ABCC4: variants seen among roughly 807,000 people sequenced by gnomAD.
ABCC4 encodes ATP binding cassette subfamily C member 4 (PEL blood group).
A neutral mutation model predicts 168.5 loss-of-function variants in ABCC4; 102 were observed. That is an observed-to-expected ratio of 0.61 (90% confidence interval 0.52 to 0.71). The LOEUF (loss-of-function observed/expected upper bound fraction) is 0.71. ABCC4 is among the 30% of genes least tolerant of loss of function. ABCC4 has a pLI of 0.00. For missense variants in ABCC4, 1,402 were observed against 1,605.8 expected (o/e 0.87, Z 2.17); for synonymous variants, 617 against 590.7 (o/e 1.04, Z -0.65).
intron 1 of ABCC4, among the ~76,000 whole-genome samples, chr13:95,248,533 A>C (rs1187008113): frequency 6.6e-6 from 1 of 152,012 alleles, no homozygotes; most frequent in African/African-American, 2.4e-5. Context: ...CAAAATGGTC[A>C]TCCATTAGGA....
chr13:95,272,703 C>T (rs2040874968), intron 1 of ABCC4, among the ~76,000 whole-genome samples: 1 of 152,010 alleles, frequency 6.6e-6, no homozygotes, highest in Non-Finnish European at 1.5e-5. Flanking sequence ...GCCTGGCCAA[C>T]ATGGTGAAAC....
At chr13:95,251,351 C>G (rs537154213) in intron 1 of ABCC4, among the ~76,000 whole-genome samples, 2 of 152,248 alleles carry the variant, frequency 1.3e-5, no homozygotes, top group South Asian at 4.2e-4. Context: ...TCTTTCCTGA[C>G]CTTTCTGTAA....
chr13:95,155,500 G>T (rs1262614114), intron 19 of ABCC4, among the ~76,000 whole-genome samples: 1 of 152,052 alleles, frequency 6.6e-6, no homozygotes, highest in Non-Finnish European at 1.5e-5. Flanking sequence ...AACATGGGAA[G>T]AAGTCAATAT....
At chr13:95,174,778 C>T (rs991718883) in intron 13 of ABCC4, among the ~76,000 whole-genome samples, 4 of 152,068 alleles carry the variant, frequency 2.6e-5, no homozygotes, top group Non-Finnish European at 4.4e-5. Flanking sequence ...CCCTTCTCGG[C>T]GAAATGGAAA....
chr13:95,283,594 T>C (rs1306990269), intron 1 of ABCC4, among the ~76,000 whole-genome samples: 1 of 152,024 alleles, frequency 6.6e-6, no homozygotes, highest in Non-Finnish European at 1.5e-5. Flanking sequence ...CTGAAGAGCA[T>C]CTCATGCTGA....
chr13:95,246,177 T>C (rs1278484203), intron 3 of ABCC4, among the ~76,000 whole-genome samples: 1 of 152,148 alleles, frequency 6.6e-6, no homozygotes, highest in African/African-American at 2.4e-5. Context: ...TGGCTGTCTT[T>C]GATTTTTCAT....
In ABCC4 at chr13:95,163,213, T is replaced by A. The variant is rs773129604; in HGVS notation, c.2217A>T (p.Ala739=). The A allele has an allele frequency of 1.2e-6, 2 of 1,606,416 alleles. No homozygotes were observed. The highest frequency in any genetic ancestry group is 1.7e-6 in the Non-Finnish European group (2 of 1,174,518). The change falls in exon 18 of 31, where the codon GCA becomes GCT. Residue 739 remains alanine, a synonymous_variant. Coordinates refer to ENST00000645237, the MANE Select transcript of ABCC4 (RefSeq NM_005845.5). Reference sequence around the variant, plus strand: ...TGACATTTAGCATACTTTGTTTGTTTGCCCTATGGAACATGGGGAGAAAAA... The same window carrying A: ...TGACATTTAGCATACTTTGTTTGTTAGCCCTATGGAACATGGGGAGAAAAA... The part of the protein sequence containing the change: ...VLQDWWLSYW[A]NKQSMLNVTV...
At chr13:95,251,194 T>C (rs926464834) in intron 1 of ABCC4, among the ~76,000 whole-genome samples, 2 of 152,154 alleles carry the variant, frequency 1.3e-5, no homozygotes, top group African/African-American at 4.8e-5. Flanking sequence ...ATGTTCCCCA[T>C]AGCCACAAGT....
rs902889467 is a variant in ABCC4 at position 95,020,765 on chromosome 13, G to A, written c.*810C>T. 2.0e-5 allele frequency: 3 copies of A among 152,330 alleles called. No homozygotes were observed. Among genetic ancestry groups the A allele is most frequent in the African/African-American group, 4.8e-5 (2 of 41,468 alleles). 9.4% of individuals were successfully genotyped at this position (152,330 alleles called of 1,614,324 possible). A position where few individuals can be genotyped will look rare whatever the true frequency, so the allele number is the denominator to read the frequency against. On this transcript the variant is annotated 3_prime_UTR_variant, in exon 31 of 31. Transcript: ENST00000645237. The stretch of plus-strand genomic sequence containing the variant: ...GAATAATGCCACGTATTTCAGGAAT[G>A]TCGGTTAGAGGTTTGGCCTTCTTGG...
In ABCC4 at chr13:95,137,726, C is replaced by T. The variant is rs114580228; in HGVS notation, c.2456-21725G>A. On this transcript the variant is annotated intron_variant, in intron 19 of 30. Transcript: ENST00000645237. ...CCCATCCAGAACACTCCTTAAAGCA[C>T]GATGTGGACAGGAAGAGTGCTTATT... Among the ~76,000 whole-genome samples the T allele has an allele frequency of 1.2e-3, 176 of 152,182 alleles. 1 individual carries two copies. The highest frequency in any genetic ancestry group is 4.0e-3 in the African/African-American group (167 of 41,502).
intron 4 of ABCC4, among the ~76,000 whole-genome samples, chr13:95,218,986 A>AAAGAAAAAAAGAGAGAGAGAGAAAGAAAG (rs2039229701): frequency 9.2e-6 from 1 of 108,974 alleles, no homozygotes; most frequent in Non-Finnish European, 1.9e-5. Flanking sequence ...AGAAAGAAAG[A>AAAGAAAAAAAGAGAGAGAGAGAAAGAAAG]GTGAGAAAGA....
At chr13:95,061,477 T>C (rs2033290208) in intron 26 of ABCC4, among the ~76,000 whole-genome samples, 2 of 152,164 alleles carry the variant, frequency 1.3e-5, no homozygotes, top group South Asian at 4.1e-4. Context: ...ACGTTCTCTA[T>C]GCTTCCTACT....
At chr13:95,116,419 G>A (rs1013812498) in intron 19 of ABCC4, among the ~76,000 whole-genome samples, 1 of 152,046 alleles carries the variant, frequency 6.6e-6, no homozygotes, top group African/African-American at 2.4e-5. Context: ...TTGCTAAGTG[G>A]TATATTTTTT....
chr13:95,063,205 G>T (rs1445450549), intron 25 of ABCC4, among the ~76,000 whole-genome samples: 1 of 152,186 alleles, frequency 6.6e-6, no homozygotes, highest in Non-Finnish European at 1.5e-5. Flanking sequence ...AAAAAGAGTT[G>T]AAAATAACAG....
chr13:95,269,619 G>A (rs1260287114), intron 1 of ABCC4, among the ~76,000 whole-genome samples: 1 of 151,870 alleles, frequency 6.6e-6, no homozygotes, highest in Admixed American at 6.6e-5. Flanking sequence ...TACTTACCAG[G>A]ATGTTAACCT....
chr13:95,147,654 A>T (rs1387789294), intron 19 of ABCC4, among the ~76,000 whole-genome samples: 2 of 152,182 alleles, frequency 1.3e-5, no homozygotes, highest in African/African-American at 4.8e-5. Flanking sequence ...ATACATTTGG[A>T]CTAGTTATAG....
intron 19 of ABCC4, among the ~76,000 whole-genome samples, chr13:95,134,691 GC>G (rs2036084458): frequency 6.6e-6 from 1 of 152,210 alleles, no homozygotes; most frequent in South Asian, 2.1e-4. Context: ...CTGCACTCCA[GC>G]CTGGGTGACA....
chr13:95,091,960 G>T (rs184594404), intron 20 of ABCC4, among the ~76,000 whole-genome samples: 1 of 152,076 alleles, frequency 6.6e-6, no homozygotes, highest in African/African-American at 2.4e-5. Context: ...ACTTAAAGGG[G>T]TGGAAAAAGG....
intron 3 of ABCC4, among the ~76,000 whole-genome samples, chr13:95,245,119 C>T (rs1207955954): frequency 6.6e-6 from 1 of 152,178 alleles, no homozygotes; most frequent in East Asian, 1.9e-4. Context: ...AGTCCAGTCA[C>T]CATCTGTGGG....
Sources: gnomAD v4.1 joint callset for allele counts (sites outside exome capture counted in the v4.1 genomes callset) on GRCh38, gnomAD v4.1.1 for gene constraint, MANE v1.5 for transcripts, NCBI Gene and HGNC (gene_info 2026-07-23, HGNC 2026-07-21) for gene names.